The following TENM3 variants were observed in gnomAD, a reference collection of about 807,000 sequenced individuals.
TENM3 encodes teneurin transmembrane protein 3.
TENM3 carries 63 observed loss-of-function variants against 255.1 expected under a neutral mutation model. The ratio of observed to expected loss-of-function variants is 0.25; its 90% CI spans 0.20 to 0.30. The LOEUF (loss-of-function observed/expected upper bound fraction) is 0.30. Ranked by LOEUF, TENM3 falls within the 10% of genes least tolerant of loss-of-function variation. The pLI is 1.00. For synonymous variants in TENM3, 1,306 were observed against 1,322.3 expected, an observed-to-expected ratio of 0.99 and a Z score of 0.27; for missense variants, 2,929 against 3,461.1, an observed-to-expected ratio of 0.85 and a Z score of 3.86.
the TENM3 span, among the ~76,000 whole-genome samples, chr4:181,626,918 T>A: frequency 6.1e-4 from 93 of 152,250 alleles, 1 homozygote; most frequent in Non-Finnish European, 1.2e-3. Context: ...ACAGGTCTAT[T>A]GTATAGAATC....
chr4:181,670,015 G>A, the TENM3 span, among the ~76,000 whole-genome samples: 1 of 152,194 alleles, frequency 6.6e-6, no homozygotes, highest in African/African-American at 2.4e-5. Context: ...TCTAATTTTA[G>A]CTATGAAATT....
At chr4:182,262,727 T>C (rs1323039787) in intron 1 of TENM3, among the ~76,000 whole-genome samples, 1 of 149,392 alleles carries the variant, frequency 6.7e-6, no homozygotes, top group Non-Finnish European at 1.5e-5. Flanking sequence ...TTTCTTTTTT[T>C]TTTTTTTTTT....
At chr4:182,223,590 G>T (rs1755967914) in intron 1 of TENM3, among the ~76,000 whole-genome samples, 1 of 151,946 alleles carries the variant, frequency 6.6e-6, no homozygotes, top group Admixed American at 6.6e-5. Context: ...AAAATGAAAA[G>T]CCCTTTGAAG....
the TENM3 span, among the ~76,000 whole-genome samples, chr4:181,586,447 G>A: frequency 6.6e-6 from 1 of 152,220 alleles, no homozygotes; most frequent in South Asian, 2.1e-4. Flanking sequence ...AAGCAGAGGA[G>A]CTATGGGAAG....
chr4:182,457,993 A>ATT (rs969900559), intron 3 of TENM3, among the ~76,000 whole-genome samples: 2 of 152,242 alleles, frequency 1.3e-5, no homozygotes, highest in Admixed American at 1.3e-4. Flanking sequence ...ATACCAGTCT[A>ATT]TAACTTTTCA....
intron 3 of TENM3, among the ~76,000 whole-genome samples, chr4:182,493,400 C>G (rs1735482483): frequency 6.6e-6 from 1 of 152,096 alleles, no homozygotes; most frequent in Non-Finnish European, 1.5e-5. Context: ...TGTTGGAAAG[C>G]TTTCAAAGGG....
chr4:182,658,901 C>G (rs777508540), intron 6 of TENM3, among the ~76,000 whole-genome samples: 3 of 152,154 alleles, frequency 2.0e-5, no homozygotes, highest in Non-Finnish European at 4.4e-5. Flanking sequence ...TGGCTTGGGC[C>G]TCTTAGAACA....
chr4:182,366,242 T>G (rs980522318), intron 3 of TENM3, among the ~76,000 whole-genome samples: 6 of 152,028 alleles, frequency 3.9e-5, no homozygotes, highest in African/African-American at 1.4e-4. Flanking sequence ...AGGATTTTTT[T>G]TACAAACTTT....
the TENM3 span, among the ~76,000 whole-genome samples, chr4:182,068,661 TC>T: frequency 6.6e-6 from 1 of 152,226 alleles, no homozygotes; most frequent in Non-Finnish European, 1.5e-5. Context: ...GATGAACCTT[TC>T]CTTTTTATTG....
At position 182,799,683 on chromosome 4, in the gene TENM3, C is replaced by T. The variant is rs1432902919; in HGVS notation, c.7432C>T (p.Arg2478Cys). ...GATGGCCGAGGTGCAGGTGAGCCGG[C>T]GCCGGGCCGGCGGCGCGCAGTCCTG... Reference protein sequence around the residue: ...GKMAEVQVSRRRAGGAQSWLW... With the variant: ...GKMAEVQVSRCRAGGAQSWLW... Residue 2478 changes from arginine to cysteine, a missense_variant, in exon 28 of 28, where the codon CGC (arginine) becomes TGC (cysteine). Transcript: ENST00000511685. This position sits in a 1 kb window ranked among gnomAD's most constrained non-coding sequence, Gnocchi z 4.2. 2 of 1,548,922 alleles carry T rather than the reference C, an allele frequency of 1.3e-6. No individual in the cohort carries two copies. The highest frequency in any genetic ancestry group is 1.7e-6 in the Non-Finnish European group (2 of 1,146,516).
rs568838463 is a variant in TENM3, at chr4:182,408,310, T to A, written c.511+61381T>A. ...ACCATTCCTCCCAGAGGCCCTTTCA[T>A]CCATATTCCTTAGTCGACAGTTCTT... is the stretch of plus-strand genomic sequence containing the variant. On this transcript the variant is annotated intron_variant, in intron 3 of 27. Transcript: ENST00000511685. Among the ~76,000 whole-genome samples, 3 of 152,334 alleles carry A rather than the reference T, an allele frequency of 2.0e-5. No homozygotes were observed. In the South Asian group the frequency reaches 6.2e-4, roughly 32 times the overall value.
chr4:181,918,818 A>G, the TENM3 span, among the ~76,000 whole-genome samples: 39 of 152,166 alleles, frequency 2.6e-4, no homozygotes, highest in Non-Finnish European at 4.4e-5. Flanking sequence ...ATCTCAATTC[A>G]TTGATCAAAG....
intron 3 of TENM3, among the ~76,000 whole-genome samples, chr4:182,539,161 T>G (rs1560892763): frequency 6.6e-6 from 1 of 150,508 alleles, no homozygotes. Context: ...GGCTACAAAA[T>G]AGACTGAGAA....
the TENM3 span, among the ~76,000 whole-genome samples, chr4:181,583,663 A>G: frequency 6.6e-6 from 1 of 152,196 alleles, no homozygotes; most frequent in Non-Finnish European, 1.5e-5. Flanking sequence ...ACTAATAACA[A>G]ATAAATTGAG....
At chr4:181,887,245 C>T in the TENM3 span, among the ~76,000 whole-genome samples, 12 of 134,598 alleles carry the variant, frequency 8.9e-5, no homozygotes, top group Admixed American at 3.1e-4. Flanking sequence ...TTTACACGTA[C>T]CTGTGTGATT....
chr4:181,971,905 T>G, the TENM3 span, among the ~76,000 whole-genome samples: 2 of 152,090 alleles, frequency 1.3e-5, no homozygotes, highest in South Asian at 4.1e-4. Flanking sequence ...CTGAGAAGCA[T>G]GTCAGTCTGA....
At chr4:181,495,630 G>C in the TENM3 span, among the ~76,000 whole-genome samples, 1 of 152,036 alleles carries the variant, frequency 6.6e-6, no homozygotes, top group Non-Finnish European at 1.5e-5. Flanking sequence ...GTATGACGAC[G>C]ACACTTTGCG....
chr4:182,144,177 C>G (rs567030647), upstream of TENM3: 1 of 146,594 alleles, frequency 6.8e-6, no homozygotes, highest in African/African-American at 2.6e-5. Context: ...CTCCTCTCCT[C>G]TCCTCCTCTC....
At chr4:182,420,805 A>G (rs1770777931) in intron 3 of TENM3, among the ~76,000 whole-genome samples, 3 of 152,312 alleles carry the variant, frequency 2.0e-5, no homozygotes, top group Admixed American at 2.0e-4. Flanking sequence ...CAAACCAATA[A>G]ATCAACAGTT....
Sources: allele counts gnomAD v4.1 joint callset (sites outside exome capture counted in the v4.1 genomes callset), GRCh38; gene constraint gnomAD v4.1.1; non-coding constraint Gnocchi (gnomAD v3.1); transcripts MANE v1.5; gene names NCBI Gene and HGNC (gene_info 2026-07-23, HGNC 2026-07-21).